Variants in NCK1 observed in about 807,000 individuals in gnomAD.
NCK1 encodes the protein NCK adaptor protein 1, also known as SH2/SH3 adapter protein NCK1.
In NCK1, 19 loss-of-function variants were observed where a neutral mutation model predicts 36.6. The ratio of observed to expected loss-of-function variants is 0.52; its 90% CI spans 0.36 to 0.76. The LOEUF is 0.76. NCK1 is among the 30% of genes least tolerant of loss of function. NCK1 has a pLI of 0.00. For missense variants in NCK1, 358 were observed against 445.6 expected (o/e 0.80, Z 1.77); for synonymous variants, 165 against 156.0 (o/e 1.06, Z -0.43).
intron 1 of NCK1, among the ~76,000 whole-genome samples, chr3:136,908,585 C>T (rs1939746550): frequency 6.6e-6 from 1 of 152,116 alleles, no homozygotes; most frequent in Non-Finnish European, 1.5e-5. Flanking sequence ...CTGAGTAAAA[C>T]AAGAAACAGG....
At chr3:136,884,134 A>C (rs1236949304) in intron 1 of NCK1, among the ~76,000 whole-genome samples, 1 of 152,100 alleles carries the variant, frequency 6.6e-6, no homozygotes, top group East Asian at 1.9e-4. Context: ...ATCTAGAGAG[A>C]GGGTATATGT....
At chr3:136,927,608 G>A (rs1004339830) in intron 1 of NCK1, among the ~76,000 whole-genome samples, 4 of 152,044 alleles carry the variant, frequency 2.6e-5, no homozygotes, top group Admixed American at 2.6e-4. Flanking sequence ...TGCAACCTTC[G>A]CCTCCCAGGT....
chr3:136,862,393 C>T (rs563634535), intron 1 of NCK1, 40 bp downstream of exon 1: 1 of 152,570 alleles, frequency 6.6e-6, no homozygotes. Context: ...ACACACACCC[C>T]CCTTCAGTCC....
chr3:136,914,926 G>T (rs1029474980), intron 1 of NCK1, among the ~76,000 whole-genome samples: 1 of 152,128 alleles, frequency 6.6e-6, no homozygotes, highest in Non-Finnish European at 1.5e-5. Flanking sequence ...GTGGGAGCCA[G>T]TTGTTAAAAA....
At chr3:136,918,470 A>G (rs946697292) in intron 1 of NCK1, among the ~76,000 whole-genome samples, 7 of 152,366 alleles carry the variant, frequency 4.6e-5, no homozygotes, top group Admixed American at 3.9e-4. Flanking sequence ...GAGGTTGTGC[A>G]TAGGTTATGT....
In NCK1 at chr3:136,946,240, C is replaced by T. The variant is rs759702549; in HGVS notation, c.884C>T (p.Ala295Val). 1.9e-6 allele frequency: 3 copies of T among 1,612,976 alleles called. No individual in the cohort carries two copies. Among genetic ancestry groups the T allele is most frequent in the Non-Finnish European group, 2.5e-6 (3 of 1,179,782 alleles). Residue 295 changes from alanine to valine, a missense_variant, in exon 3 of 4, where the codon GCA (alanine) becomes GTA (valine). Physicochemically the swap from Ala to Val is moderately conservative, Grantham distance 64 (BLOSUM62 0). Around this residue, in one of 3 missense-constraint regions of NCK1, gnomAD observed 207 missense variants for 253.4 expected, o/e 0.82. Coordinates refer to ENST00000481752, the MANE Select transcript of NCK1 (RefSeq NM_001291999.2). ...GTCACCAGGCATCAAGCAGAAATGG[C>T]ATTAAATGAAAGAGGACATGAAGGG... ...GKVTRHQAEM[A>V]LNERGHEGDF...
chr3:136,878,003 T>C (rs1938821060), intron 1 of NCK1, among the ~76,000 whole-genome samples: 1 of 152,180 alleles, frequency 6.6e-6, no homozygotes, highest in Admixed American at 6.6e-5. Flanking sequence ...AATATAGAAC[T>C]GATACATGTT....
chr3:136,887,504 A>G (rs997880800), intron 1 of NCK1, among the ~76,000 whole-genome samples: 1 of 152,220 alleles, frequency 6.6e-6, no homozygotes, highest in Non-Finnish European at 1.5e-5. Context: ...AAGTTGAGAG[A>G]TAAAGTTTAT....
chr3:136,864,476 A>G (rs1938351787), intron 1 of NCK1, among the ~76,000 whole-genome samples: 1 of 142,870 alleles, frequency 7.0e-6, no homozygotes, highest in Admixed American at 7.4e-5. Context: ...CAACAGAGCA[A>G]GATTCCGTCA....
At chr3:136,936,337 G>A (rs1261020419) in intron 2 of NCK1, among the ~76,000 whole-genome samples, 1 of 152,098 alleles carries the variant, frequency 6.6e-6, no homozygotes, top group Non-Finnish European at 1.5e-5. Flanking sequence ...CACTGTGCCC[G>A]GCTGGCTGAA....
chr3:136,868,468 C>T (rs1398035973), intron 1 of NCK1, among the ~76,000 whole-genome samples: 1 of 151,874 alleles, frequency 6.6e-6, no homozygotes, highest in East Asian at 1.9e-4. Context: ...GCTGGAATTA[C>T]AGGTGCCTGC....
chr3:136,907,479 C>T (rs1939715727), intron 1 of NCK1, among the ~76,000 whole-genome samples: 1 of 152,134 alleles, frequency 6.6e-6, no homozygotes. Flanking sequence ...AGACTCAGGG[C>T]CTGCAGCACT....
chr3:136,893,198 A>ACACACACACACACACACACACCATAT (rs1347213828), intron 1 of NCK1, among the ~76,000 whole-genome samples: 3 of 132,258 alleles, frequency 2.3e-5, no homozygotes, highest in Non-Finnish European at 4.9e-5. Context: ...ATATACACAC[A>ACACACACACACACACACACACCATAT]TGTGCAAGTA....
intron 1 of NCK1, among the ~76,000 whole-genome samples, chr3:136,873,598 C>T (rs1299638240): frequency 2.0e-5 from 3 of 151,930 alleles, no homozygotes; most frequent in South Asian, 2.1e-4. Context: ...TGGGAGGGGC[C>T]GGGGGCGGAA....
In NCK1 at chr3:136,937,380, T is replaced by C. The variant is rs139825515; in HGVS notation, c.227-8203T>C. 3.3e-5 allele frequency among the ~76,000 whole-genome samples: 5 copies of C among 152,332 alleles called. No homozygotes were observed. In the East Asian group the frequency reaches 9.6e-4, roughly 29 times the overall value. Reference sequence around the variant, plus strand: ...GATTACTGTGGCTTTGTAGTAAGTTTTGAAATCAGAAAGGGAGAGTCCTCC... The same window carrying C: ...GATTACTGTGGCTTTGTAGTAAGTTCTGAAATCAGAAAGGGAGAGTCCTCC... On this transcript the variant is annotated intron_variant, in intron 2 of 3. Coordinates refer to ENST00000481752, the MANE Select transcript of NCK1 (RefSeq NM_001291999.2).
At chr3:136,921,027 T>C (rs1038324024) in intron 1 of NCK1, among the ~76,000 whole-genome samples, 10 of 152,184 alleles carry the variant, frequency 6.6e-5, no homozygotes, top group African/African-American at 2.4e-4. Flanking sequence ...ATAGTGTCTT[T>C]AAAGAGGTAA....
At chr3:136,931,085 T>C (rs944509473) in intron 2 of NCK1, among the ~76,000 whole-genome samples, 31 of 152,136 alleles carry the variant, frequency 2.0e-4, no homozygotes, top group Non-Finnish European at 1.9e-4. Context: ...ATTTAATTAA[T>C]GTAGTATTGC....
In NCK1 at chr3:136,862,259, C is replaced by G. The variant is rs953308292; in HGVS notation, c.-113C>G. ...AGAGCTACGCGGCGGCGGCGGAGCG[C>G]AGGCCTCGTGCCGTTACGGCCATCA... On this transcript the variant is annotated 5_prime_UTR_variant, in exon 1 of 4. Coordinates refer to ENST00000481752, the MANE Select transcript of NCK1 (RefSeq NM_001291999.2). The G allele has an allele frequency of 6.5e-6, 1 of 152,712 alleles. No homozygotes were observed. Among genetic ancestry groups the G allele is most frequent in the African/African-American group, 2.4e-5 (1 of 41,476 alleles). The allele number at this position is 152,712 out of a possible 1,614,324, so 9.5% of individuals were successfully genotyped here.
chr3:136,865,965 T>A (rs1343081166), intron 1 of NCK1, among the ~76,000 whole-genome samples: 1 of 152,248 alleles, frequency 6.6e-6, no homozygotes, highest in African/African-American at 2.4e-5. Flanking sequence ...CAGCCATTTT[T>A]ATCTTTGAAC....
Sources: gnomAD v4.1 joint callset for allele counts (sites outside exome capture counted in the v4.1 genomes callset) on GRCh38, gnomAD v4.1.1 for gene constraint, gnomAD v4.1.1 regional missense constraint, MANE v1.5 for transcripts, NCBI Gene and HGNC (gene_info 2026-07-23, HGNC 2026-07-21) for gene names.